SEMA3C: variants seen among roughly 807,000 people sequenced by gnomAD.
The protein encoded by SEMA3C is semaphorin 3C.
A neutral mutation model predicts 89.4 loss-of-function variants in SEMA3C; 47 were observed. The ratio of observed to expected loss-of-function variants is 0.53; its 90% CI spans 0.42 to 0.67. SEMA3C has a LOEUF of 0.67. Ranked by LOEUF, SEMA3C falls within the 30% of genes least tolerant of loss-of-function variation. SEMA3C has a pLI of 0.00. For synonymous variants in SEMA3C, 310 were observed against 320.2 expected, an observed-to-expected ratio of 0.97 and a Z score of 0.34; for missense variants, 839 against 929.1, an observed-to-expected ratio of 0.90 and a Z score of 1.26.
intron 15 of SEMA3C, 104 bp downstream of exon 15, chr7:80,758,227 G>T: frequency 7.9e-7 from 1 of 1,262,340 alleles, no homozygotes; most frequent in Non-Finnish European, 1.1e-6. Context: ...TACCTTTAAT[G>T]TCATTTAAGG....
chr7:80,752,698 C>T lies in SEMA3C; in HGVS notation c.1644-1362G>A, dbSNP rs375691318. On this transcript the variant is annotated intron_variant, in intron 15 of 17. Coordinates refer to ENST00000265361, the MANE Select transcript of SEMA3C (RefSeq NM_006379.5). ...AAGTTGTATTCAAATTATTTAATTT[C>T]GTGAGTCTTAGATTCACTAAGTACC... Among the ~76,000 whole-genome samples, 118 of 151,386 alleles carry T rather than the reference C, an allele frequency of 7.8e-4. 1 individual carries two copies. The highest frequency in any genetic ancestry group is 2.4e-3 in the African/African-American group (99 of 41,238).
chr7:80,805,547 GT>G, intron 7 of SEMA3C, 91 bp downstream of exon 7: 2 of 1,124,806 alleles, frequency 1.8e-6, no homozygotes. Flanking sequence ...TGCTATTTTA[GT>G]TTTTAACCAT....
intron 12 of SEMA3C, 92 bp from the exon 13 acceptor site, chr7:80,765,335 A>C (rs1277983417): frequency 2.3e-6 from 2 of 884,674 alleles, no homozygotes; most frequent in East Asian, 2.5e-5. Flanking sequence ...CATTATTTAC[A>C]TAAGTATTTA....
intron 5 of SEMA3C, among the ~76,000 whole-genome samples, chr7:80,817,448 AAAATT>A (rs1789634945): frequency 6.6e-6 from 1 of 152,162 alleles, no homozygotes; most frequent in Admixed American, 6.5e-5. Flanking sequence ...ACCAAGTTTG[AAAATT>A]CAGTTTTTAA....
intron 12 of SEMA3C, among the ~76,000 whole-genome samples, chr7:80,787,040 C>T (rs1042670033): frequency 6.6e-6 from 1 of 152,018 alleles, no homozygotes; most frequent in African/African-American, 2.4e-5. Context: ...GATTTGTTTG[C>T]ACAGAATGGA....
At chr7:80,748,831 C>T (rs1327394930) in intron 17 of SEMA3C, 67 bp downstream of exon 17, 14 of 1,471,920 alleles carry the variant, frequency 9.5e-6, no homozygotes, top group South Asian at 1.4e-5. Context: ...CTGAGCCTCG[C>T]TGAGGGACAG....
At chr7:80,870,916 TTATATG>T (rs1791041891) in intron 2 of SEMA3C, among the ~76,000 whole-genome samples, 1 of 152,184 alleles carries the variant, frequency 6.6e-6, no homozygotes, top group Non-Finnish European at 1.5e-5. Flanking sequence ...CCTCCCTGCT[TTATATG>T]AAAGGACTGC....
At chr7:80,905,906 C>T in intron 2 of SEMA3C, 1 of 1,288,830 alleles carries the variant, frequency 7.8e-7, no homozygotes, top group Non-Finnish European at 1.0e-6. Context: ...CAGCATTGTA[C>T]AAGGTAGGCT....
intron 2 of SEMA3C, among the ~76,000 whole-genome samples, chr7:80,836,713 A>G (rs766342140): frequency 1.3e-5 from 2 of 150,742 alleles, no homozygotes; most frequent in Non-Finnish European, 3.0e-5. Context: ...CAAACAAACA[A>G]AAACAGACAG....
At chr7:80,830,396 T>C (rs1480842499) in intron 2 of SEMA3C, among the ~76,000 whole-genome samples, 1 of 152,170 alleles carries the variant, frequency 6.6e-6, no homozygotes, top group Admixed American at 6.5e-5. Flanking sequence ...CTAATTACTG[T>C]TATTAAGTTT....
At chr7:80,891,912 T>G (rs539179113) in intron 2 of SEMA3C, among the ~76,000 whole-genome samples, 1 of 152,306 alleles carries the variant, frequency 6.6e-6, no homozygotes, top group East Asian at 1.9e-4. Context: ...AATAGTTTTA[T>G]AATTCAAACA....
chr7:80,809,318 T>C (rs1159571478), intron 6 of SEMA3C, among the ~76,000 whole-genome samples: 1 of 152,186 alleles, frequency 6.6e-6, no homozygotes, highest in Non-Finnish European at 1.5e-5. Flanking sequence ...GGCTAACACG[T>C]GCACTTTGTT....
intron 15 of SEMA3C, among the ~76,000 whole-genome samples, chr7:80,754,957 G>GTTT (rs1368382376): frequency 9.2e-6 from 1 of 108,366 alleles, no homozygotes; most frequent in Non-Finnish European, 1.9e-5. Context: ...GTTTTTTTTT[G>GTTT]TTTTTTTTTT....
intron 2 of SEMA3C, among the ~76,000 whole-genome samples, chr7:80,851,476 C>G (rs1477904486): frequency 7.8e-6 from 1 of 127,540 alleles, no homozygotes; most frequent in African/African-American, 3.1e-5. Context: ...TGCGCTCCAG[C>G]TGGGTGACAG....
chr7:80,828,730 T>G lies in SEMA3C; in HGVS notation c.119A>C (p.Lys40Thr). ...GGAAAGGCTGAAGTATTCAGAGGTC[T>G]TGGTTTCTCGAAGTTCTGAAAGAGT... ...YLTFDELRETKTSEYFSLSHH... is the reference protein window; with the variant it reads ...YLTFDELRETTTSEYFSLSHH... Residue 40 changes from lysine (K) to threonine (T), a missense_variant, in exon 3 of 18, where the codon AAG (lysine) becomes ACG (threonine). Physicochemically the swap from Lys to Thr is moderately conservative, Grantham distance 78 (BLOSUM62 -1). Coordinates refer to ENST00000265361, the MANE Select transcript of SEMA3C (RefSeq NM_006379.5). 3.1e-6 allele frequency: 5 copies of G among 1,605,852 alleles called. No individual in the cohort carries two copies. Among genetic ancestry groups the G allele is most frequent in the Non-Finnish European group, 4.3e-6 (5 of 1,175,112 alleles).
chr7:80,918,779 G>C, intron 1 of SEMA3C, 49 bp downstream of exon 1: 1 of 980,072 alleles, frequency 1.0e-6, no homozygotes, highest in Non-Finnish European at 1.2e-6. Flanking sequence ...GGCCAAAAAA[G>C]TTATACTTTG....
chr7:80,902,100 G>T (rs1376551049), intron 2 of SEMA3C, among the ~76,000 whole-genome samples: 4 of 152,110 alleles, frequency 2.6e-5, no homozygotes, highest in Non-Finnish European at 5.9e-5. Flanking sequence ...CTACAGGTGT[G>T]CACCACCGCA....
chr7:80,872,724 C>A lies in SEMA3C; in HGVS notation c.103+43955G>T, dbSNP rs149478768. Reference sequence around the variant, plus strand: ...GCTGAGACAGGAGAATCGCTTGAACCCAGGAGGTGGAAATTGCAGTGAGCC... The same window carrying A: ...GCTGAGACAGGAGAATCGCTTGAACACAGGAGGTGGAAATTGCAGTGAGCC... On this transcript the variant is annotated intron_variant, in intron 2 of 17. Coordinates refer to ENST00000265361, the MANE Select transcript of SEMA3C (RefSeq NM_006379.5). 7.4e-3 allele frequency among the ~76,000 whole-genome samples: 1,109 copies of A among 149,176 alleles called. 54 individuals carry two copies. The East Asian group carries it at 0.12, about 17-fold the overall frequency.
At chr7:80,784,859 T>A (rs766097987) in intron 12 of SEMA3C, among the ~76,000 whole-genome samples, 2 of 152,124 alleles carry the variant, frequency 1.3e-5, no homozygotes, top group Non-Finnish European at 2.9e-5. Context: ...CAAAACAACA[T>A]TATTAGTGTA....
Sources: gnomAD v4.1 joint callset for allele counts (sites outside exome capture counted in the v4.1 genomes callset) on GRCh38, gnomAD v4.1.1 for gene constraint, MANE v1.5 for transcripts, NCBI Gene and HGNC (gene_info 2026-07-23, HGNC 2026-07-21) for gene names.